Variants in NCS1 observed in about 807,000 individuals in gnomAD.
The protein encoded by NCS1 is neuronal calcium sensor 1.
A neutral mutation model predicts 28.4 loss-of-function variants in NCS1; 6 were observed. The observed-to-expected ratio is 0.21, with a 90% CI of 0.12 to 0.42. The LOEUF (loss-of-function observed/expected upper bound fraction) is 0.42. Ranked by LOEUF, NCS1 falls within the 10% of genes least tolerant of loss-of-function variation. The pLI is 1.00. For synonymous variants in NCS1, 86 were observed against 99.3 expected (o/e 0.87, Z 0.79); for missense variants, 131 against 241.4 (o/e 0.54, Z 3.03).
At chr9:130,217,778 G>T (rs782399970) in intron 2 of NCS1, 54 bp from the exon 3 acceptor site, 389 of 1,612,790 alleles carry the variant, frequency 2.4e-4, no homozygotes, top group Non-Finnish European at 3.2e-4. Context: ...TTGGTGGTGG[G>T]TGGGTGATGT....
At chr9:130,195,612 CAG>C (rs1832868005) in intron 1 of NCS1, among the ~76,000 whole-genome samples, 1 of 152,204 alleles carries the variant, frequency 6.6e-6, no homozygotes, top group African/African-American at 2.4e-5. Flanking sequence ...TTAGTAGAGA[CAG>C]GGTTTCACCA....
chr9:130,226,245 G>A lies in NCS1; in HGVS notation c.475-144G>A. ...CCATGAGTGCCGAGGTCTGTCTGGT[G>A]CTGGCTGCTTGTAGGCCCTGAGCCA... is the stretch of plus-strand genomic sequence containing the variant. On this transcript the variant is annotated intron_variant, in intron 6 of 7. Transcript: ENST00000372398. The surrounding 1 kb of genome is among the most constrained non-coding windows in gnomAD (Gnocchi z 4.8). The A allele has an allele frequency of 1.4e-6, 1 of 706,632 alleles. No individual in the cohort carries two copies. The allele number at this position is 706,632 out of a possible 1,614,324, so 43.8% of individuals were successfully genotyped here.
At chr9:130,189,694 T>C (rs533424356) in intron 1 of NCS1, among the ~76,000 whole-genome samples, 2 of 151,300 alleles carry the variant, frequency 1.3e-5, no homozygotes, top group East Asian at 3.9e-4. Flanking sequence ...ATACAAAAAT[T>C]AGCCGGGTGT....
intron 2 of NCS1, among the ~76,000 whole-genome samples, chr9:130,212,645 C>T (rs10819615): frequency 0.25 from 36,927 of 150,526 alleles, 5,785 homozygotes; most frequent in South Asian, 0.44. Flanking sequence ...CTGGCGGCAG[C>T]GTGTCTGAAG....
Position 130,193,411 on chromosome 9 carries a change from C to T in NCS1, c.65-7547C>T, listed in dbSNP as rs1427026430. ...GGCTGAGAAGAGGCCGGCACAGCAGCTGGGATGGTGTGGGGGCGACGTCCA... is the reference window on the plus strand; with the variant it reads ...GGCTGAGAAGAGGCCGGCACAGCAGTTGGGATGGTGTGGGGGCGACGTCCA... On this transcript the variant is annotated intron_variant, in intron 1 of 7. Transcript: ENST00000372398. Among the ~76,000 whole-genome samples the T allele has an allele frequency of 3.3e-5, 5 of 151,680 alleles. No individual in the cohort carries two copies. In the East Asian group the frequency reaches 7.8e-4, roughly 24 times the overall value.
At chr9:130,217,025 G>T (rs918374913) in intron 2 of NCS1, among the ~76,000 whole-genome samples, 9 of 152,132 alleles carry the variant, frequency 5.9e-5, no homozygotes, top group African/African-American at 2.2e-4. Flanking sequence ...ACTCATTTTT[G>T]TGCTAAGCCC....
At chr9:130,196,936 G>C (rs1432908372) in intron 1 of NCS1, among the ~76,000 whole-genome samples, 3 of 152,184 alleles carry the variant, frequency 2.0e-5, no homozygotes, top group Admixed American at 2.0e-4. Context: ...TGCCTCGTCT[G>C]TTTAGACTCT....
At chr9:130,173,335 G>A (rs67899211) in intron 1 of NCS1, among the ~76,000 whole-genome samples, 53,836 of 151,984 alleles carry the variant, frequency 0.35, 12,486 homozygotes, top group East Asian at 0.68. Flanking sequence ...ACACCGGGAA[G>A]TGGGTTTCTA....
intron 2 of NCS1, among the ~76,000 whole-genome samples, chr9:130,216,263 G>T (rs1399419318): frequency 3.3e-5 from 5 of 152,214 alleles, no homozygotes; most frequent in African/African-American, 9.7e-5. Context: ...GATCACATTA[G>T]AATGGGGGAC....
chr9:130,184,621 TTTTTTC>T (rs1417477366), intron 1 of NCS1, among the ~76,000 whole-genome samples: 1 of 152,072 alleles, frequency 6.6e-6, no homozygotes, highest in Non-Finnish European at 1.5e-5. Flanking sequence ...TTTTCTTTCT[TTTTTTC>T]TTTTTCTTTT....
At chr9:130,206,540 T>C (rs1465392813) in intron 2 of NCS1, among the ~76,000 whole-genome samples, 1 of 151,776 alleles carries the variant, frequency 6.6e-6, no homozygotes, top group Non-Finnish European at 1.5e-5. Flanking sequence ...TCTCGAGTAG[T>C]TGGGATTACA....
At position 130,226,321 on chromosome 9, in the gene NCS1, G is replaced by T; in HGVS notation, c.475-68G>T. 7.2e-7 allele frequency: 1 copy of T among 1,386,768 alleles called. No individual in the cohort carries two copies. The highest frequency in any genetic ancestry group is 1.2e-5 in the South Asian group (1 of 85,346). The allele number at this position is 1,386,768 out of a possible 1,614,324, so 85.9% of individuals were successfully genotyped here. A position where few individuals can be genotyped will look rare whatever the true frequency, so the allele number is the denominator to read the frequency against. Reference sequence around the variant, plus strand: ...TGGAAGGGCTCTTGGGACCGGCCCTGGGCTGGGCTTGTCTAGAGCCCTCTC... The same window carrying T: ...TGGAAGGGCTCTTGGGACCGGCCCTTGGCTGGGCTTGTCTAGAGCCCTCTC... On this transcript the variant is annotated intron_variant, in intron 6 of 7. Coordinates refer to ENST00000372398, the MANE Select transcript of NCS1 (RefSeq NM_014286.4). This position sits in a 1 kb window ranked among gnomAD's most constrained non-coding sequence, Gnocchi z 4.8.
chr9:130,206,049 C>T (rs1236187266), intron 2 of NCS1, among the ~76,000 whole-genome samples: 7 of 152,166 alleles, frequency 4.6e-5, no homozygotes, highest in African/African-American at 7.2e-5. Context: ...CTCAGGGCGA[C>T]GCTAGACCAG....
In NCS1 at chr9:130,206,399, CTTTCTT is replaced by C. The variant is rs1321253788; in HGVS notation, c.89+5421_89+5426del. ...CATTCTTGTTCTTTTTCTTTTCTTTCTTTCTTTTTTTTTTTTTTTTTTTTCCTGAGA... is the reference window on the plus strand; with the variant it reads ...CATTCTTGTTCTTTTTCTTTTCTTTCTTTTTTTTTTTTTTTTTTCCTGAGA... On this transcript the variant is annotated intron_variant, in intron 2 of 7. Coordinates refer to ENST00000372398, the MANE Select transcript of NCS1 (RefSeq NM_014286.4). Among the ~76,000 whole-genome samples the C allele has an allele frequency of 6.8e-4, 78 of 115,076 alleles. 1 individual carries two copies. The South Asian group carries it at 0.021, about 31-fold the overall frequency. The allele number at this position is 115,076 out of a possible 152,430, so 75.5% of individuals were successfully genotyped here.
In NCS1 at chr9:130,186,400, C is replaced by T. The variant is rs1832739217; in HGVS notation, c.64+13673C>T. Among the ~76,000 whole-genome samples the T allele has an allele frequency of 6.6e-6, 1 of 152,178 alleles. No individual in the cohort carries two copies. The highest frequency in any genetic ancestry group is 1.5e-5 in the Non-Finnish European group (1 of 68,042). On this transcript the variant is annotated intron_variant, in intron 1 of 7. Coordinates refer to ENST00000372398, the MANE Select transcript of NCS1 (RefSeq NM_014286.4). This position sits in a 1 kb window ranked among gnomAD's most constrained non-coding sequence, Gnocchi z 4.1. ...CCCGGGGCTAGGGTTGCCAGACATA[C>T]TGAAAAATGATTTGCTGTTTACCTG...
Position 130,172,546 on chromosome 9 carries a change from G to T in NCS1, c.-118G>T. On this transcript the variant is annotated 5_prime_UTR_variant, in exon 1 of 8. Coordinates refer to ENST00000372398, the MANE Select transcript of NCS1 (RefSeq NM_014286.4). Reference sequence around the variant, plus strand: ...GCCCCGGCGCCGACAGCCGCGCAGCGCAGCGCGGGCGCCGCAGACAAAGGC... The same window carrying T: ...GCCCCGGCGCCGACAGCCGCGCAGCTCAGCGCGGGCGCCGCAGACAAAGGC... The T allele has an allele frequency of 8.6e-6, 3 of 350,370 alleles. No individual in the cohort carries two copies. The highest frequency in any genetic ancestry group is 1.2e-5 in the Non-Finnish European group (3 of 249,860). The allele number at this position is 350,370 out of a possible 1,614,324, so 21.7% of individuals were successfully genotyped here.
At chr9:130,208,365 G>T (rs1421310145) in intron 2 of NCS1, among the ~76,000 whole-genome samples, 1 of 151,862 alleles carries the variant, frequency 6.6e-6, no homozygotes, top group South Asian at 2.1e-4. Flanking sequence ...CTGCAACTCT[G>T]CCTCCTGGGT....
chr9:130,224,327 A>G (rs1251307495), intron 6 of NCS1, among the ~76,000 whole-genome samples: 3 of 147,644 alleles, frequency 2.0e-5, no homozygotes, highest in Admixed American at 1.4e-4. Context: ...GGGAGGCAGC[A>G]GTTGCAGTGA....
chr9:130,208,435 C>T (rs1360932897), intron 2 of NCS1, among the ~76,000 whole-genome samples: 18 of 151,924 alleles, frequency 1.2e-4, no homozygotes, highest in African/African-American at 4.4e-4. Flanking sequence ...CCCACCACCA[C>T]GCCTGGCTAA....
Sources: gnomAD v4.1 joint callset for allele counts (sites outside exome capture counted in the v4.1 genomes callset) on GRCh38, gnomAD v4.1.1 for gene constraint, Gnocchi (gnomAD v3.1) non-coding constraint, MANE v1.5 for transcripts, NCBI Gene and HGNC (gene_info 2026-07-23, HGNC 2026-07-21) for gene names.